Variants in OTOP1 observed in about 807,000 individuals in gnomAD.
OTOP1 encodes proton channel OTOP1.
OTOP1 carries 59 observed loss-of-function variants against 52.9 expected under a neutral mutation model. The observed-to-expected ratio is 1.12, with a 90% CI of 0.91 to 1.39. The LOEUF (loss-of-function observed/expected upper bound fraction) is 1.39. Ranked by LOEUF, OTOP1 falls within the 40% of genes most tolerant of loss-of-function variation. The pLI is 0.00. For synonymous variants in OTOP1, 317 were observed against 337.7 expected, an observed-to-expected ratio of 0.94 and a Z score of 0.67; for missense variants, 761 against 800.9, an observed-to-expected ratio of 0.95 and a Z score of 0.60.
In OTOP1 at chr4:4,226,788, G is replaced by A; in HGVS notation, c.77C>T (p.Ala26Val). Reference sequence around the variant, plus strand: ...CGAGGACGAGGGAGGCGAGCAGGCCGCTGGCCCCGACGACCCTGCGACCGA... The same window carrying A: ...CGAGGACGAGGGAGGCGAGCAGGCCACTGGCCCCGACGACCCTGCGACCGA... ...SASVAGSSGP[A>V]ACSPPSSSAP... Residue 26 changes from alanine to valine, a missense_variant, in exon 1 of 6, where the codon GCG (alanine) becomes GTG (valine). By Grantham distance (64) the Ala-to-Val change is moderately conservative (BLOSUM62 0). Coordinates refer to ENST00000296358, the MANE Select transcript of OTOP1 (RefSeq NM_177998.3). 2.2e-6 allele frequency: 3 copies of A among 1,372,254 alleles called. No homozygotes were observed. Among genetic ancestry groups the A allele is most frequent in the Non-Finnish European group, 2.8e-6 (3 of 1,066,990 alleles). 85.0% of individuals were successfully genotyped at this position (1,372,254 alleles called of 1,614,324 possible). A position where few individuals can be genotyped will look rare whatever the true frequency, so the allele number is the denominator to read the frequency against.
chr4:4,195,490 C>A (rs1294124752), intron 5 of OTOP1, among the ~76,000 whole-genome samples: 1 of 152,158 alleles, frequency 6.6e-6, no homozygotes, highest in African/African-American at 2.4e-5. Context: ...TGGCACCAGC[C>A]CTTCCCCACT....
In OTOP1 at chr4:4,197,644, G is replaced by T. The variant is rs769623331; in HGVS notation, c.1190C>A (p.Thr397Asn). The T allele has an allele frequency of 3.9e-5, 63 of 1,613,732 alleles. No individual in the cohort carries two copies. The highest frequency in any genetic ancestry group is 5.3e-5 in the Non-Finnish European group (63 of 1,180,008). Reference protein sequence around the residue: ...RKLDSDLLVGTASGSWLISWG... With the variant: ...RKLDSDLLVGNASGSWLISWG... ...GGAGATAAGCCAGGAGCCCGAGGCA[G>T]TGCCCACCAAGAGGTCCGAGTCCAG... is the stretch of plus-strand genomic sequence containing the variant. Residue 397 changes from threonine (T) to asparagine (N), a missense_variant, in exon 5 of 6, where the codon ACT becomes AAT. Thr to Asn is a moderately conservative substitution (Grantham distance 65). Around this residue, in one of 3 missense-constraint regions of OTOP1, gnomAD observed 632 missense variants for 619.5 expected, o/e 1.02. Transcript: ENST00000296358.
chr4:4,206,267 G>A (rs781386664), intron 2 of OTOP1, 137 bp from the exon 3 acceptor site: 9 of 640,824 alleles, frequency 1.4e-5, no homozygotes, highest in Non-Finnish European at 1.9e-5. Flanking sequence ...TCCATCTTAG[G>A]TGGCAGTGCC....
Position 4,188,958 on chromosome 4 carries a change from C to A in OTOP1, c.1684G>T (p.Ala562Ser). Residue 562 changes from alanine (A) to serine (S), a missense_variant, in exon 6 of 6, where the codon GCC (alanine) becomes TCC (serine). Around this residue, in one of 3 missense-constraint regions of OTOP1, gnomAD observed 632 missense variants for 619.5 expected, o/e 1.02. Transcript: ENST00000296358. The stretch of plus-strand genomic sequence containing the variant: ...TCATACTCAGGTCGACAGCCAAAGG[C>A]GGGAGGTATCCAAAGCTGCAAGAGA... ...LCNISLWIPP[A>S]FGCRPEYDNG... 6.2e-7 allele frequency: 1 copy of A among 1,612,262 alleles called. No homozygotes were observed. Among genetic ancestry groups the A allele is most frequent in the South Asian group, 1.1e-5 (1 of 90,712 alleles).
At chr4:4,212,770 G>A in intron 2 of OTOP1, 98 bp downstream of exon 2, 1 of 1,379,232 alleles carries the variant, frequency 7.3e-7, no homozygotes, top group Non-Finnish European at 1.0e-6. Flanking sequence ...TGTGCACACT[G>A]TCTCCACCTG....
intron 5 of OTOP1, 119 bp from the exon 6 acceptor site, chr4:4,189,092 CT>C: frequency 4.5e-6 from 4 of 881,558 alleles, no homozygotes; most frequent in South Asian, 1.8e-5. Context: ...TGAGTCACCC[CT>C]GACAGAACAA....
chr4:4,224,358 A>G (rs1320327828), intron 1 of OTOP1, among the ~76,000 whole-genome samples: 2 of 151,208 alleles, frequency 1.3e-5, no homozygotes, highest in South Asian at 4.2e-4. Flanking sequence ...AAAAAAAAAA[A>G]TAAAGAAGGA....
chr4:4,199,123 A>T (rs1055928511), intron 4 of OTOP1, among the ~76,000 whole-genome samples: 2 of 152,082 alleles, frequency 1.3e-5, no homozygotes, highest in African/African-American at 4.8e-5. Context: ...TAGGAGGCAG[A>T]GGTTGCAGTG....
intron 5 of OTOP1, among the ~76,000 whole-genome samples, 159 bp downstream of exon 5, chr4:4,197,007 G>A (rs1333633574): frequency 1.3e-5 from 2 of 152,052 alleles, no homozygotes; most frequent in Non-Finnish European, 2.9e-5. Flanking sequence ...ACTACCTATC[G>A]GGCACTATGC....
chr4:4,208,461 C>A (rs1716955736), intron 2 of OTOP1, among the ~76,000 whole-genome samples: 1 of 152,114 alleles, frequency 6.6e-6, no homozygotes, highest in South Asian at 2.1e-4. Flanking sequence ...GAAGAAAATT[C>A]TGATACATGC....
chr4:4,201,020 G>C (rs527408289), intron 4 of OTOP1, among the ~76,000 whole-genome samples: 1 of 152,206 alleles, frequency 6.6e-6, no homozygotes, highest in East Asian at 1.9e-4. Flanking sequence ...TTTCACAGAG[G>C]GCCTTGAAGC....
At chr4:4,218,986 T>C (rs1717212133) in intron 1 of OTOP1, among the ~76,000 whole-genome samples, 1 of 150,342 alleles carries the variant, frequency 6.7e-6, no homozygotes, top group African/African-American at 2.4e-5. Flanking sequence ...AAGAAAAAAA[T>C]GGCCATTAAT....
chr4:4,210,763 G>A (rs936981406), intron 2 of OTOP1, among the ~76,000 whole-genome samples: 15 of 152,232 alleles, frequency 9.9e-5, no homozygotes, highest in Middle Eastern at 3.4e-3. Context: ...CCCAGGAGAC[G>A]GAAGTTGCAG....
chr4:4,222,297 C>A (rs762022337), intron 1 of OTOP1, among the ~76,000 whole-genome samples: 1 of 152,070 alleles, frequency 6.6e-6, no homozygotes, highest in Non-Finnish European at 1.5e-5. Flanking sequence ...GAGAGGCTTC[C>A]CAGAGGAAAT....
chr4:4,198,364 G>T (rs1016028319), intron 4 of OTOP1, among the ~76,000 whole-genome samples: 4 of 152,002 alleles, frequency 2.6e-5, no homozygotes, highest in African/African-American at 9.7e-5. Context: ...CTCTATTGTT[G>T]TAAAAAATAG....
intron 1 of OTOP1, among the ~76,000 whole-genome samples, chr4:4,221,277 G>T (rs996278485): frequency 1.6e-4 from 24 of 151,974 alleles, no homozygotes; most frequent in African/African-American, 5.8e-4. Context: ...AAGAAAATGA[G>T]CCAGGCGTAG....
At chr4:4,211,424 TTC>T (rs924494873) in intron 2 of OTOP1, among the ~76,000 whole-genome samples, 1 of 150,080 alleles carries the variant, frequency 6.7e-6, no homozygotes, top group African/African-American at 2.4e-5. Context: ...GTCACTTGTC[TTC>T]TCTGAGCTCC....
chr4:4,196,323 AG>A (rs1201988458), intron 5 of OTOP1, among the ~76,000 whole-genome samples: 38 of 152,250 alleles, frequency 2.5e-4, no homozygotes, highest in Admixed American at 1.3e-4. Flanking sequence ...AGGCCAAGGT[AG>A]GTGGATCACT....
At chr4:4,214,044 C>A (rs1025843257) in intron 1 of OTOP1, among the ~76,000 whole-genome samples, 1 of 152,184 alleles carries the variant, frequency 6.6e-6, no homozygotes, top group African/African-American at 2.4e-5. Flanking sequence ...GAGCTGAGAT[C>A]ATGCCATTGC....
Sources: gnomAD v4.1 joint callset for allele counts (sites outside exome capture counted in the v4.1 genomes callset) on GRCh38, gnomAD v4.1.1 for gene constraint, gnomAD v4.1.1 regional missense constraint, MANE v1.5 for transcripts, NCBI Gene and HGNC (gene_info 2026-07-23, HGNC 2026-07-21) for gene names.